The following TTC28 variants were observed in gnomAD, a reference collection of about 807,000 sequenced individuals.
TTC28 encodes tetratricopeptide repeat domain 28.
A neutral mutation model predicts 198.0 loss-of-function variants in TTC28; 61 were observed. The ratio of observed to expected loss-of-function variants is 0.31; its 90% CI spans 0.25 to 0.38. The LOEUF (loss-of-function observed/expected upper bound fraction) is 0.38, where lower values mean the gene tolerates loss of function less well. TTC28 is among the 10% of genes least tolerant of loss of function. The pLI, the probability that TTC28 is intolerant of heterozygous loss-of-function variation, is 1.00. For missense variants in TTC28, 2,678 were observed against 3,164.0 expected, an observed-to-expected ratio of 0.85 and a Z score of 3.69; for synonymous variants, 1,171 against 1,297.8, an observed-to-expected ratio of 0.90 and a Z score of 2.10.
intron 6 of TTC28, among the ~76,000 whole-genome samples, chr22:28,143,216 A>G: frequency 6.6e-6 from 1 of 152,208 alleles, no homozygotes; most frequent in East Asian, 1.9e-4. Context: ...CTCAAAAATT[A>G]CTTTGTGAAC....
At chr22:28,015,758 G>C (rs887127574) in intron 13 of TTC28, among the ~76,000 whole-genome samples, 3 of 151,852 alleles carry the variant, frequency 2.0e-5, no homozygotes, top group Non-Finnish European at 4.4e-5. Flanking sequence ...TTTAGACACT[G>C]TTCATAGTTT....
At chr22:28,389,271 G>A (rs867105305) in intron 2 of TTC28, among the ~76,000 whole-genome samples, 76 of 152,152 alleles carry the variant, frequency 5.0e-4, no homozygotes, top group Middle Eastern at 3.4e-3. Flanking sequence ...TTTTTGCATC[G>A]ATGTTCATCA....
At chr22:28,176,697 A>G (rs1923195810) in intron 5 of TTC28, among the ~76,000 whole-genome samples, 1 of 152,240 alleles carries the variant, frequency 6.6e-6, no homozygotes, top group Admixed American at 6.5e-5. Context: ...GTACAATTAC[A>G]AAGTATCCAC....
At chr22:28,398,048 G>A (rs953059717) in intron 2 of TTC28, among the ~76,000 whole-genome samples, 5 of 152,176 alleles carry the variant, frequency 3.3e-5, no homozygotes, top group African/African-American at 1.2e-4. Flanking sequence ...AATCTTCAAG[G>A]TGACACATGT....
chr22:28,542,304 C>T (rs1013886946), intron 2 of TTC28, among the ~76,000 whole-genome samples: 1 of 151,986 alleles, frequency 6.6e-6, no homozygotes, highest in Non-Finnish European at 1.5e-5. Flanking sequence ...AGAGCATCAG[C>T]GGCCAATGGA....
At chr22:28,196,504 C>G (rs948729908) in intron 5 of TTC28, among the ~76,000 whole-genome samples, 7 of 152,040 alleles carry the variant, frequency 4.6e-5, no homozygotes, top group African/African-American at 1.2e-4. Context: ...AACAGGCACC[C>G]TACAGAATGG....
At chr22:28,233,933 G>A (rs1173885142) in intron 5 of TTC28, among the ~76,000 whole-genome samples, 3 of 147,142 alleles carry the variant, frequency 2.0e-5, no homozygotes, top group Non-Finnish European at 3.0e-5. Flanking sequence ...TTTTGAGACA[G>A]AGTCTTGCTG....
In TTC28 at chr22:28,403,125, G is replaced by C. The variant is rs5762603; in HGVS notation, c.382-96482C>G. On this transcript the variant is annotated intron_variant, in intron 2 of 22. Coordinates refer to ENST00000397906, the MANE Select transcript of TTC28 (RefSeq NM_001145418.2). ...TTAATCTGTTAATTAAGCAAACCAG[G>C]AGAAGTAAACAAAAGTTTACCTCAA... Among the ~76,000 whole-genome samples, 21 of 152,210 alleles carry C rather than the reference G, an allele frequency of 1.4e-4. No homozygotes were observed. The East Asian group carries it at 4.1e-3, about 29-fold the overall frequency.
chr22:28,230,905 T>C (rs1463634948), intron 5 of TTC28, among the ~76,000 whole-genome samples: 1 of 152,202 alleles, frequency 6.6e-6, no homozygotes, highest in South Asian at 2.1e-4. Context: ...TTTGGCAAAA[T>C]GTTTAAGAGA....
chr22:28,559,220 A>G (rs1418814159), intron 2 of TTC28, among the ~76,000 whole-genome samples: 1 of 152,178 alleles, frequency 6.6e-6, no homozygotes, highest in African/African-American at 2.4e-5. Flanking sequence ...TTTTCTACAA[A>G]GATCAATTGA....
chr22:28,044,684 A>C (rs1020908976), intron 12 of TTC28, among the ~76,000 whole-genome samples: 6 of 152,060 alleles, frequency 3.9e-5, no homozygotes, highest in African/African-American at 1.2e-4. Flanking sequence ...ATTCCCACCT[A>C]TGAGTGAGAA....
intron 6 of TTC28, among the ~76,000 whole-genome samples, chr22:28,119,257 C>T (rs1201452670): frequency 6.6e-6 from 1 of 152,130 alleles, no homozygotes; most frequent in Non-Finnish European, 1.5e-5. Context: ...TTATGAAGAT[C>T]AAATGAAACA....
intron 13 of TTC28, chr22:28,028,985 C>T (rs1184074521): frequency 8.5e-6 from 4 of 471,008 alleles, no homozygotes; most frequent in African/African-American, 2.0e-5. Flanking sequence ...GCTCTTCACA[C>T]TCTAGTTTAT....
At chr22:28,529,973 C>A (rs1232826652) in intron 2 of TTC28, among the ~76,000 whole-genome samples, 2 of 152,140 alleles carry the variant, frequency 1.3e-5, no homozygotes, top group African/African-American at 4.8e-5. Context: ...AGAAAAGCTT[C>A]AAATTCTAAA....
intron 2 of TTC28, among the ~76,000 whole-genome samples, chr22:28,512,542 T>C (rs1047937477): frequency 2.1e-4 from 32 of 152,108 alleles, no homozygotes; most frequent in African/African-American, 6.5e-4. Flanking sequence ...CCACCAATGA[T>C]AGACTAGATA....
At chr22:28,424,029 G>A (rs966564467) in intron 2 of TTC28, among the ~76,000 whole-genome samples, 2 of 152,036 alleles carry the variant, frequency 1.3e-5, no homozygotes, top group Admixed American at 6.5e-5. Context: ...AAAGACCCAG[G>A]AAATACATTT....
At chr22:28,548,207 T>C (rs1438472534) in intron 2 of TTC28, among the ~76,000 whole-genome samples, 1 of 152,186 alleles carries the variant, frequency 6.6e-6, no homozygotes, top group East Asian at 1.9e-4. Flanking sequence ...CCTAGCCCCA[T>C]ATCATCTTAG....
chr22:28,075,728 G>A (rs772767723), intron 12 of TTC28, among the ~76,000 whole-genome samples: 16 of 152,094 alleles, frequency 1.1e-4, no homozygotes, highest in Non-Finnish European at 2.2e-4. Flanking sequence ...AAACTCCTCC[G>A]CCTGGAATGG....
chr22:28,342,842 A>C (rs2045852770), intron 2 of TTC28, among the ~76,000 whole-genome samples: 1 of 152,204 alleles, frequency 6.6e-6, no homozygotes, highest in African/African-American at 2.4e-5. Flanking sequence ...AGCTATAATA[A>C]AGTATAAAAC....
Sources: allele counts gnomAD v4.1 joint callset (sites outside exome capture counted in the v4.1 genomes callset), GRCh38; gene constraint gnomAD v4.1.1; transcripts MANE v1.5; gene names NCBI Gene and HGNC (gene_info 2026-07-23, HGNC 2026-07-21).